Variants in RANGAP1 observed in about 807,000 individuals in gnomAD.
RANGAP1 encodes the protein Ran GTPase activating protein 1, also known as ran GTPase-activating protein 1.
In RANGAP1, 38 loss-of-function variants were observed where a neutral mutation model predicts 63.5. That is an observed-to-expected ratio of 0.60 (90% CI 0.46 to 0.78). RANGAP1 has a LOEUF of 0.78. Among genes scored for constraint, RANGAP1 ranks in the 30% least tolerant of loss-of-function variants. The probability of loss-of-function intolerance (pLI) is 0.00; values close to 1 mark genes in which losing one functional copy is unlikely to be tolerated. For synonymous variants in RANGAP1, 329 were observed against 310.5 expected (o/e 1.06, Z -0.63); for missense variants, 630 against 740.3 (o/e 0.85, Z 1.73).
At chr22:41,256,896 C>A (rs1295697710) in intron 7 of RANGAP1, 72 bp from the exon 8 acceptor site, 9 of 1,192,434 alleles carry the variant, frequency 7.5e-6, no homozygotes, top group Non-Finnish European at 1.1e-5. Context: ...CCCCGGGGGC[C>A]CCACACGGTC....
Position 41,246,648 on chromosome 22 carries a change from G to A in RANGAP1, c.1719C>T (p.Cys573=), listed in dbSNP as rs373911802. 3 of 1,562,208 alleles carry A rather than the reference G, an allele frequency of 1.9e-6. No individual in the cohort carries two copies. Among genetic ancestry groups the A allele is most frequent in the Non-Finnish European group, 2.6e-6 (3 of 1,152,442 alleles). Residue 573 remains cysteine (C), a synonymous_variant, in exon 16 of 16, where the codon TGC becomes TGT. Coordinates refer to ENST00000356244, the MANE Select transcript of RANGAP1 (RefSeq NM_002883.4). Reference sequence around the variant, plus strand: ...GCAGCAGACTGTGGCGGGCGAAGGAGCAGGATTCCAGGGCGCTGTTGGGCC... The same window carrying A: ...GCAGCAGACTGTGGCGGGCGAAGGAACAGGATTCCAGGGCGCTGTTGGGCC... The part of the protein sequence containing the change: ...VTKPNSALES[C]SFARHSLLQT...
At chr22:41,249,840 G>A (rs1056588398) in intron 13 of RANGAP1, 23 bp from the exon 14 acceptor site, 1 of 1,593,440 alleles carries the variant, frequency 6.3e-7, no homozygotes, top group Non-Finnish European at 8.6e-7. Flanking sequence ...AGCAGCAGGG[G>A]CAGGCTGCTG....
At chr22:41,295,256 A>AG in the RANGAP1 span, among the ~76,000 whole-genome samples, 162 of 151,850 alleles carry the variant, frequency 1.1e-3, no homozygotes, top group African/African-American at 3.8e-3. Context: ...TGGAATAGAA[A>AG]GGGGGGAAAG....
At chr22:41,301,000 C>G in the RANGAP1 span, among the ~76,000 whole-genome samples, 25 of 152,288 alleles carry the variant, frequency 1.6e-4, no homozygotes, top group Middle Eastern at 0.024. Flanking sequence ...AATACTCTCC[C>G]TGACCGCAAA....
chr22:41,246,707 G>C, intron 15 of RANGAP1, 35 bp from the exon 16 acceptor site: 1 of 1,498,694 alleles, frequency 6.7e-7, no homozygotes, highest in Non-Finnish European at 9.1e-7. Flanking sequence ...GTCGGTGGAT[G>C]CCTCTTGGCC....
rs1053273524 is a variant in RANGAP1 at position 41,277,513 on chromosome 22, G to A, written c.113-2786C>T. On this transcript the variant is annotated intron_variant, in intron 2 of 15. Transcript: ENST00000356244. ...TTGAGTCTGGCTGGTACAGGATGGA[G>A]TAGGGTGACATGTGGGAGGGAAGAG... 63 of 1,196,246 alleles carry A rather than the reference G, an allele frequency of 5.3e-5. No individual in the cohort carries two copies. In the African/African-American group the frequency reaches 8.6e-4, roughly 16 times the overall value. 74.1% of individuals were successfully genotyped at this position (1,196,246 alleles called of 1,614,324 possible). A position where few individuals can be genotyped will look rare whatever the true frequency, so the allele number is the denominator to read the frequency against.
chr22:41,253,189 G>T, intron 11 of RANGAP1, 198 bp from the exon 12 acceptor site: 1 of 535,600 alleles, frequency 1.9e-6, no homozygotes, highest in Non-Finnish European at 2.7e-6. Context: ...GATGGCTCTT[G>T]GTCCAGGAGC....
At chr22:41,284,533 C>A (rs1601731274) in intron 1 of RANGAP1, among the ~76,000 whole-genome samples, 1 of 151,366 alleles carries the variant, frequency 6.6e-6, no homozygotes, top group East Asian at 1.9e-4. Flanking sequence ...TGGCATTGCA[C>A]TCCAACGTGG....
chr22:41,256,064 C>G lies in RANGAP1; in HGVS notation c.1030G>C (p.Val344Leu). The change falls in exon 10 of 16, where the codon GTG (valine) becomes CTG (leucine). Residue 344 changes from valine to leucine, a missense_variant. By Grantham distance (32) the Val-to-Leu change is conservative. Around this residue, in one of 3 missense-constraint regions of RANGAP1, gnomAD observed 428 missense variants for 465.5 expected, o/e 0.92. Coordinates refer to ENST00000356244, the MANE Select transcript of RANGAP1 (RefSeq NM_002883.4). ...GEEGCEQLQE[V>L]LEGFNMAKVL... ...TTGGCCATGTTGAAGCCCTCCAGCA[C>G]CTCCTGAAGCTGTTCACAGCCTTCT... 6.2e-7 allele frequency: 1 copy of G among 1,614,120 alleles called. No individual in the cohort carries two copies. Among genetic ancestry groups the G allele is most frequent in the Non-Finnish European group, 8.5e-7 (1 of 1,180,040 alleles).
chr22:41,274,875 C>A, intron 2 of RANGAP1, 148 bp from the exon 3 acceptor site: 1 of 1,027,294 alleles, frequency 9.7e-7, no homozygotes, highest in Non-Finnish European at 1.4e-6. Flanking sequence ...CAGACAGGCT[C>A]ATGGTCCAGA....
In RANGAP1 at chr22:41,257,796, C is replaced by G. The variant is rs2033930835; in HGVS notation, c.774+152G>C. 2.1e-6 allele frequency: 2 copies of G among 960,992 alleles called. No individual in the cohort carries two copies. Among genetic ancestry groups the G allele is most frequent in the South Asian group, 3.8e-5 (2 of 52,346 alleles). The allele number at this position is 960,992 out of a possible 1,614,324, so 59.5% of individuals were successfully genotyped here. On this transcript the variant is annotated intron_variant, in intron 7 of 15. Transcript: ENST00000356244. The surrounding 1 kb of genome is among the most constrained non-coding windows in gnomAD (Gnocchi z 4.0). ...TTGGGACCTGCAACCCTGTTCAGGA[C>G]ATGTTCAAAGAGCTGGAGCCATGGG... is the stretch of plus-strand genomic sequence containing the variant.
intron 10 of RANGAP1, 54 bp downstream of exon 10, chr22:41,255,967 A>G: frequency 6.5e-7 from 1 of 1,537,718 alleles, no homozygotes; most frequent in Non-Finnish European, 8.9e-7. Flanking sequence ...AACAAAAGAA[A>G]GAAAGAAAGG....
Position 41,252,933 on chromosome 22 carries a change from A to T in RANGAP1, c.1319T>A (p.Phe440Tyr), listed in dbSNP as rs1432128256. The T allele has an allele frequency of 5.8e-5, 90 of 1,558,476 alleles. No individual in the cohort carries two copies. Among genetic ancestry groups the T allele is most frequent in the Non-Finnish European group, 7.4e-5 (86 of 1,155,554 alleles). The change falls in exon 12 of 16, where the codon TTT (phenylalanine) becomes TAT (tyrosine). Residue 440 changes from phenylalanine to tyrosine, a missense_variant. Phe to Tyr is a conservative substitution (Grantham distance 22, BLOSUM62 3). Coordinates refer to ENST00000356244, the MANE Select transcript of RANGAP1 (RefSeq NM_002883.4). ...PPADVSTFLA[F>Y]PSPEKLLRLG... Reference sequence around the variant, plus strand: ...GCGCAGCAGCTTCTCTGGAGAGGGAAAAGCCAGGAAGGTGGAGACGTCTGC... The same window carrying T: ...GCGCAGCAGCTTCTCTGGAGAGGGATAAGCCAGGAAGGTGGAGACGTCTGC...
At chr22:41,298,297 G>A in the RANGAP1 span, among the ~76,000 whole-genome samples, 1 of 151,862 alleles carries the variant, frequency 6.6e-6, no homozygotes, top group African/African-American at 2.4e-5. Context: ...CACAGCGCCT[G>A]GCCACACCTG....
chr22:41,252,463 C>A (rs550968575), intron 12 of RANGAP1, among the ~76,000 whole-genome samples: 12 of 152,242 alleles, frequency 7.9e-5, no homozygotes, highest in Admixed American at 5.2e-4. Flanking sequence ...AGCCAACCAA[C>A]AAGTGAGGCT....
intron 3 of RANGAP1, among the ~76,000 whole-genome samples, chr22:41,273,056 A>C (rs1423872652): frequency 6.6e-6 from 1 of 152,006 alleles, no homozygotes; most frequent in Non-Finnish European, 1.5e-5. Context: ...TTGGCCTTCC[A>C]AAGTGCTGGG....
the RANGAP1 span, among the ~76,000 whole-genome samples, chr22:41,296,742 T>C: frequency 6.6e-6 from 1 of 151,424 alleles, no homozygotes; most frequent in Non-Finnish European, 1.5e-5. Flanking sequence ...TCCAGATAAA[T>C]AGAATCAGCA....
In RANGAP1 at chr22:41,264,728, G is replaced by A; in HGVS notation, c.416C>T (p.Ser139Leu). 6.2e-7 allele frequency: 1 copy of A among 1,614,026 alleles called. No individual in the cohort carries two copies. The highest frequency in any genetic ancestry group is 8.5e-7 in the Non-Finnish European group (1 of 1,179,870). The change falls in exon 5 of 16, where the codon TCA becomes TTA. Residue 139 changes from serine (S) to leucine (L), a missense_variant. Transcript: ENST00000356244. ...VQGFEALLKS[S>L]ACFTLQELKL... Reference sequence around the variant, plus strand: ...GAGTTCCTGCAGGGTGAAGCAGGCTGAGCTCTTGAGCAGGGCCTCGAAGCC... The same window carrying A: ...GAGTTCCTGCAGGGTGAAGCAGGCTAAGCTCTTGAGCAGGGCCTCGAAGCC...
rs1555930131 is a variant in RANGAP1 at position 41,254,452 on chromosome 22, TTCC to T, written c.1113_1115del (p.Glu375del). 5 of 1,610,190 alleles carry T rather than the reference TTCC, an allele frequency of 3.1e-6. No homozygotes were observed. The highest frequency in any genetic ancestry group is 4.2e-6 in the Non-Finnish European group (5 of 1,178,798). ...CCTCCTCTTCTTCTGCTTCCTCTTC[TTCC>T]TCTTCTCCTTCCTCCTCCTCCTCCT... is the stretch of plus-strand genomic sequence containing the variant. On this transcript the variant is annotated inframe_deletion, in exon 11 of 16. Transcript: ENST00000356244.
Sources: gnomAD v4.1 joint callset for allele counts (sites outside exome capture counted in the v4.1 genomes callset) on GRCh38, gnomAD v4.1.1 for gene constraint, gnomAD v4.1.1 regional missense constraint, Gnocchi (gnomAD v3.1) non-coding constraint, MANE v1.5 for transcripts, NCBI Gene and HGNC (gene_info 2026-07-23, HGNC 2026-07-21) for gene names.